TMEM131: variants seen among roughly 807,000 people sequenced by gnomAD.
TMEM131 encodes 2610524E03Rik.
Under a neutral mutation model 211.6 loss-of-function variants are expected in TMEM131, and 66 were observed. The ratio of observed to expected loss-of-function variants is 0.31; its 90% CI spans 0.26 to 0.38. TMEM131 has a LOEUF of 0.38. TMEM131 is among the 10% of genes least tolerant of loss of function. The pLI is 1.00. For synonymous variants in TMEM131, 844 were observed against 841.3 expected (o/e 1.00, Z -0.06); for missense variants, 2,036 against 2,299.3 (o/e 0.89, Z 2.34).
chr2:97,869,254 G>A (rs1035472597), intron 4 of TMEM131, among the ~76,000 whole-genome samples: 2 of 152,228 alleles, frequency 1.3e-5, no homozygotes, highest in African/African-American at 4.8e-5. Flanking sequence ...ATACATAATG[G>A]ACAGGTAATT....
chr2:97,941,325 A>C (rs529904341), intron 1 of TMEM131, among the ~76,000 whole-genome samples: 35 of 152,336 alleles, frequency 2.3e-4, no homozygotes, highest in Middle Eastern at 3.4e-3. Context: ...AAATTAATTC[A>C]AGATGGATTA....
chr2:97,807,004 C>G, intron 19 of TMEM131, among the ~76,000 whole-genome samples: 1 of 152,252 alleles, frequency 6.6e-6, no homozygotes, highest in South Asian at 2.1e-4. Context: ...TGCCTTGTCT[C>G]TTGGGGGTGT....
chr2:97,871,796 T>C (rs890529042), intron 4 of TMEM131, among the ~76,000 whole-genome samples: 9 of 152,214 alleles, frequency 5.9e-5, no homozygotes, highest in African/African-American at 2.2e-4. Context: ...GCTGGCCTCA[T>C]GTTAGTAAAA....
At position 97,867,029 on chromosome 2, in the gene TMEM131, G is replaced by C. The variant is rs115571847; in HGVS notation, c.360-7602C>G. 8.8e-4 allele frequency among the ~76,000 whole-genome samples: 134 copies of C among 152,258 alleles called. 1 individual carries two copies. Among genetic ancestry groups the C allele is most frequent in the African/African-American group, 3.1e-3 (130 of 41,542 alleles). ...AAAAATTCAGATTTTGGAGCATTTTGGATTTTCAGATTAGGAATGTTCAGC... is the reference window on the plus strand; with the variant it reads ...AAAAATTCAGATTTTGGAGCATTTTCGATTTTCAGATTAGGAATGTTCAGC... On this transcript the variant is annotated intron_variant, in intron 4 of 40. Coordinates refer to ENST00000186436, the MANE Select transcript of TMEM131 (RefSeq NM_015348.2).
At chr2:97,946,606 C>T (rs1678055590) in intron 1 of TMEM131, among the ~76,000 whole-genome samples, 1 of 151,770 alleles carries the variant, frequency 6.6e-6, no homozygotes, top group Non-Finnish European at 1.5e-5. Context: ...AAAATCTTCT[C>T]ACAAAGATAA....
At position 97,812,378 on chromosome 2, in the gene TMEM131, G is replaced by C. The variant is rs188522020; in HGVS notation, c.1863+43C>G. On this transcript the variant is annotated intron_variant, in intron 17 of 40. Coordinates refer to ENST00000186436, the MANE Select transcript of TMEM131 (RefSeq NM_015348.2). ...GCAATGATCTTCCACTTGCAGTTTA[G>C]ACATCCATCTTACTTTAAGGAGACA... is the stretch of plus-strand genomic sequence containing the variant. 10 of 1,567,590 alleles carry C rather than the reference G, an allele frequency of 6.4e-6. No individual in the cohort carries two copies. In the African/African-American group the frequency reaches 1.2e-4, roughly 19 times the overall value.
intron 1 of TMEM131, among the ~76,000 whole-genome samples, chr2:97,993,615 A>G (rs1358924865): frequency 6.6e-6 from 1 of 152,222 alleles, no homozygotes; most frequent in Non-Finnish European, 1.5e-5. Flanking sequence ...GTTCATACAG[A>G]AAAGCATGGG....
At chr2:97,854,771 T>C (rs941076458) in intron 5 of TMEM131, among the ~76,000 whole-genome samples, 4 of 152,290 alleles carry the variant, frequency 2.6e-5, no homozygotes, top group African/African-American at 4.8e-5. Context: ...ATGGAGACTT[T>C]ATACTGCTTG....
chr2:97,974,618 T>C (rs543740696), intron 1 of TMEM131, among the ~76,000 whole-genome samples: 1 of 150,542 alleles, frequency 6.6e-6, no homozygotes, highest in African/African-American at 2.4e-5. Context: ...AAAAGACATG[T>C]TATATACAGA....
At chr2:97,927,337 A>T in intron 2 of TMEM131, 89 bp downstream of exon 2, 1 of 991,768 alleles carries the variant, frequency 1.0e-6, no homozygotes, top group Non-Finnish European at 1.4e-6. Flanking sequence ...AATATATTTC[A>T]GATAAACCAA....
At chr2:97,896,585 T>C (rs1167243550) in intron 3 of TMEM131, among the ~76,000 whole-genome samples, 1 of 152,188 alleles carries the variant, frequency 6.6e-6, no homozygotes, top group Non-Finnish European at 1.5e-5. Context: ...TAGCTCTTCT[T>C]GTTGCATTGA....
At chr2:97,762,487 T>C (rs1388045461) in intron 35 of TMEM131, 2 of 293,576 alleles carry the variant, frequency 6.8e-6, no homozygotes, top group Non-Finnish European at 1.3e-5. Flanking sequence ...AGGAGGGTCT[T>C]CCACATCCTC....
At chr2:97,944,421 TG>T (rs1381155698) in intron 1 of TMEM131, among the ~76,000 whole-genome samples, 2 of 152,196 alleles carry the variant, frequency 1.3e-5, no homozygotes, top group African/African-American at 4.8e-5. Flanking sequence ...GATGAGGCAA[TG>T]GTTTCTTAAC....
intron 1 of TMEM131, among the ~76,000 whole-genome samples, chr2:97,974,466 T>G (rs780708144): frequency 1.3e-4 from 19 of 151,476 alleles, no homozygotes; most frequent in Non-Finnish European, 1.5e-5. Context: ...TGTCCCAAAC[T>G]TAATGAAAAC....
chr2:97,902,708 G>C (rs1675906761), intron 3 of TMEM131, among the ~76,000 whole-genome samples: 1 of 152,098 alleles, frequency 6.6e-6, no homozygotes, highest in African/African-American at 2.4e-5. Context: ...TGTCTGTGTG[G>C]GTGTTGCCAA....
chr2:97,811,361 C>G (rs1472306308), intron 17 of TMEM131, 129 bp from the exon 18 acceptor site: 1 of 694,340 alleles, frequency 1.4e-6, no homozygotes, highest in African/African-American at 1.7e-5. Flanking sequence ...CACTGAATTA[C>G]CATATCACTG....
intron 35 of TMEM131, chr2:97,764,104 A>G (rs1265933091): frequency 6.6e-6 from 1 of 152,226 alleles, no homozygotes; most frequent in Non-Finnish European, 1.5e-5. Flanking sequence ...GGTATAGGGC[A>G]CCATGCTAAG....
In TMEM131 at chr2:97,805,455, T is replaced by C. The variant is rs748591971; in HGVS notation, c.2209-4A>G. The C allele has an allele frequency of 1.1e-5, 18 of 1,613,824 alleles. No homozygotes were observed. The highest frequency in any genetic ancestry group is 1.5e-5 in the Non-Finnish European group (18 of 1,179,878). ...GATCAAAATAAATGTTTGCAATCTA[T>C]AAAGAGGCACAGGAGAACCATGAAT... On this transcript the variant is annotated splice_region_variant and splice_polypyrimidine_tract_variant and intron_variant, in intron 20 of 40. Transcript: ENST00000186436.
rs1679700295 is a variant in TMEM131 at position 97,775,918 on chromosome 2, G to C, written c.4245C>G (p.Asp1415Glu). 6.2e-7 allele frequency: 1 copy of C among 1,613,870 alleles called. No homozygotes were observed. Among genetic ancestry groups the C allele is most frequent in the African/African-American group, 1.3e-5 (1 of 74,928 alleles). Residue 1415 changes from aspartate (D) to glutamate (E), a missense_variant, in exon 32 of 41, where the codon GAC (aspartate) becomes GAG (glutamate). By Grantham distance (45) the Asp-to-Glu change is conservative. This residue lies in a region of TMEM131 where 1,623 missense variants were observed against 1,805.9 expected (regional missense o/e 0.90). Coordinates refer to ENST00000186436, the MANE Select transcript of TMEM131 (RefSeq NM_015348.2). ...AGGAGCTATCATCATCAGCCAAAGA[G>C]TCCTTCAGCTCATCTTCCTGTGGCT... ...KGKPQEDELKDSLADDDSSST... is the reference protein window; with the variant it reads ...KGKPQEDELKESLADDDSSST...
Sources: gnomAD v4.1 joint callset for allele counts (sites outside exome capture counted in the v4.1 genomes callset) on GRCh38, gnomAD v4.1.1 for gene constraint, gnomAD v4.1.1 regional missense constraint, MANE v1.5 for transcripts, NCBI Gene and HGNC (gene_info 2026-07-23, HGNC 2026-07-21) for gene names.